The following DPP10 variants were observed in gnomAD, a reference collection of about 807,000 sequenced individuals.
DPP10 encodes the protein dipeptidyl peptidase like 10, also known as inactive dipeptidyl peptidase 10.
DPP10 carries 33 observed loss-of-function variants against 120.9 expected under a neutral mutation model. That is an observed-to-expected ratio of 0.27 (90% CI 0.21 to 0.37). The LOEUF is 0.37. Among genes scored for constraint, DPP10 ranks in the 10% least tolerant of loss-of-function variants. The pLI is 1.00. For missense variants in DPP10, 816 were observed against 942.8 expected (o/e 0.87, Z 1.76); for synonymous variants, 337 against 326.1 (o/e 1.03, Z -0.36).
chr2:115,237,176 A>G (rs564951984), intron 1 of DPP10, among the ~76,000 whole-genome samples: 4 of 152,016 alleles, frequency 2.6e-5, no homozygotes, highest in Non-Finnish European at 4.4e-5. Context: ...TCATTTTTGC[A>G]GCAGTATATG....
chr2:115,246,053 G>A (rs1190626374), intron 1 of DPP10, among the ~76,000 whole-genome samples: 1 of 152,008 alleles, frequency 6.6e-6, no homozygotes, highest in Non-Finnish European at 1.5e-5. Flanking sequence ...AAATTGAAAT[G>A]AAAGATGGAA....
At chr2:115,280,427 A>AGCTGC (rs2060112035) in intron 1 of DPP10, among the ~76,000 whole-genome samples, 4 of 152,194 alleles carry the variant, frequency 2.6e-5, no homozygotes, top group Non-Finnish European at 5.9e-5. Flanking sequence ...CCGGAATTAT[A>AGCTGC]AGTCCTGAGA....
At chr2:114,968,031 C>A (rs147725614) in intron 1 of DPP10, among the ~76,000 whole-genome samples, 1 of 152,184 alleles carries the variant, frequency 6.6e-6, no homozygotes, top group Non-Finnish European at 1.5e-5. Context: ...ATACAAAAAT[C>A]TCTGTCCATA....
At chr2:115,499,131 C>T (rs1039821101) in intron 3 of DPP10, among the ~76,000 whole-genome samples, 1 of 152,038 alleles carries the variant, frequency 6.6e-6, no homozygotes, top group Admixed American at 6.6e-5. Context: ...AGTCAACTGG[C>T]AGCACTTTTA....
At chr2:115,590,275 G>A (rs79250774) in intron 5 of DPP10, among the ~76,000 whole-genome samples, 13 of 151,502 alleles carry the variant, frequency 8.6e-5, no homozygotes, top group South Asian at 2.1e-4. Context: ...CTGTTACCTC[G>A]TCATTTACAT....
At chr2:114,738,595 A>G (rs1334934255) in intron 1 of DPP10, among the ~76,000 whole-genome samples, 1 of 152,284 alleles carries the variant, frequency 6.6e-6, no homozygotes, top group East Asian at 1.9e-4. Context: ...ATCCCTGCTC[A>G]ACTCCTGCTC....
At chr2:114,493,268 T>C (rs946054351) in intron 1 of DPP10, among the ~76,000 whole-genome samples, 5 of 152,150 alleles carry the variant, frequency 3.3e-5, no homozygotes, top group Admixed American at 2.0e-4. Flanking sequence ...CCTTTTGCTC[T>C]GGAAGCCAGG....
chr2:115,443,685 G>A (rs529038810), intron 3 of DPP10, among the ~76,000 whole-genome samples: 1 of 152,232 alleles, frequency 6.6e-6, no homozygotes, highest in East Asian at 1.9e-4. Flanking sequence ...CTTCTTAGAA[G>A]TGCAAATTCT....
chr2:114,744,557 C>G (rs2106002851), intron 1 of DPP10, among the ~76,000 whole-genome samples: 1 of 151,408 alleles, frequency 6.6e-6, no homozygotes, highest in South Asian at 2.1e-4. Flanking sequence ...ATAAAGTGAG[C>G]TATCTACACT....
chr2:114,954,080 CTTTTTTTTT>C (rs66485866), intron 1 of DPP10, among the ~76,000 whole-genome samples: 1 of 122,078 alleles, frequency 8.2e-6, no homozygotes, highest in African/African-American at 3.1e-5. Context: ...TTAAGAAGTC[CTTTTTTTTT>C]TTTTTTTTTG....
rs576697334 is a variant in DPP10, at chr2:115,601,235, G to A, written c.441+75263G>A. Among the ~76,000 whole-genome samples, 8 of 152,278 alleles carry A rather than the reference G, an allele frequency of 5.3e-5. No individual in the cohort carries two copies. The East Asian group carries it at 5.8e-4, about 11-fold the overall frequency. ...GAAAAGAGAATTTATTTAAGTAAGC[G>A]TGATGAATCTAACTTTTCTCATTAT... On this transcript the variant is annotated intron_variant, in intron 5 of 25. Transcript: ENST00000410059.
intron 1 of DPP10, among the ~76,000 whole-genome samples, chr2:114,788,418 T>TA (rs386390957): frequency 1.5e-4 from 6 of 38,752 alleles, no homozygotes; most frequent in African/African-American, 1.2e-3. Flanking sequence ...AACATGTACA[T>TA]TTTTTTTTTT....
intron 3 of DPP10, among the ~76,000 whole-genome samples, chr2:115,403,073 C>T (rs2068224454): frequency 6.6e-6 from 1 of 150,696 alleles, no homozygotes. Flanking sequence ...TTTTCACAAT[C>T]AAGTGAGAGT....
chr2:115,237,920 G>A (rs2058080071), intron 1 of DPP10, among the ~76,000 whole-genome samples: 1 of 152,188 alleles, frequency 6.6e-6, no homozygotes, highest in Non-Finnish European at 1.5e-5. Context: ...TAACATCAAA[G>A]TGCAAGCTGA....
At position 115,552,968 on chromosome 2, in the gene DPP10, G is replaced by C. The variant is rs372210219; in HGVS notation, c.441+26996G>C. Among the ~76,000 whole-genome samples the C allele has an allele frequency of 1.1e-4, 16 of 152,122 alleles. No individual in the cohort carries two copies. In the South Asian group the frequency reaches 3.3e-3, roughly 32 times the overall value. On this transcript the variant is annotated intron_variant, in intron 5 of 25. Transcript: ENST00000410059. The stretch of plus-strand genomic sequence containing the variant: ...TTTTGAGGTCTTAAGTTTGAAACTA[G>C]GTTTATTCAGCTGTGGTGACTCAAA...
intron 1 of DPP10, among the ~76,000 whole-genome samples, chr2:114,824,078 T>C (rs1686323488): frequency 6.6e-6 from 1 of 152,240 alleles, no homozygotes; most frequent in African/African-American, 2.4e-5. Flanking sequence ...GATTTTTTCC[T>C]CAGCTTCTAC....
At chr2:115,041,812 A>G (rs1704666278) in intron 1 of DPP10, among the ~76,000 whole-genome samples, 1 of 152,152 alleles carries the variant, frequency 6.6e-6, no homozygotes, top group South Asian at 2.1e-4. Context: ...ATTTGGTATG[A>G]CTTTGAGTAA....
intron 5 of DPP10, among the ~76,000 whole-genome samples, chr2:115,540,615 C>T (rs576418919): frequency 3.3e-5 from 5 of 151,894 alleles, no homozygotes; most frequent in South Asian, 2.1e-4. Context: ...CTAAGTTATT[C>T]GTGCATAATT....
At chr2:114,660,375 C>G (rs1697308844) in intron 1 of DPP10, among the ~76,000 whole-genome samples, 1 of 152,076 alleles carries the variant, frequency 6.6e-6, no homozygotes, top group Admixed American at 6.6e-5. Context: ...TTGTGGGAAC[C>G]CTGTGTCTTA....
Sources: gnomAD v4.1 joint callset for allele counts (sites outside exome capture counted in the v4.1 genomes callset) on GRCh38, gnomAD v4.1.1 for gene constraint, MANE v1.5 for transcripts, NCBI Gene and HGNC (gene_info 2026-07-23, HGNC 2026-07-21) for gene names.